The following TAFA1 variants were observed in gnomAD, a reference collection of about 807,000 sequenced individuals.
TAFA1 encodes the protein chemokine-like protein TAFA-1.
In TAFA1, 4 loss-of-function variants were observed where a neutral mutation model predicts 18.5. That is an observed-to-expected ratio of 0.22 (90% confidence interval 0.11 to 0.49). The LOEUF is 0.49. Among genes scored for constraint, TAFA1 ranks in the 20% least tolerant of loss-of-function variants. The pLI is 0.98. For synonymous variants in TAFA1, 56 were observed against 55.2 expected, an observed-to-expected ratio of 1.01 and a Z score of -0.06; for missense variants, 147 against 169.0, an observed-to-expected ratio of 0.87 and a Z score of 0.72.
intron 2 of TAFA1, among the ~76,000 whole-genome samples, chr3:68,180,222 T>G (rs545912402): frequency 1.3e-5 from 2 of 151,254 alleles, no homozygotes; most frequent in African/African-American, 4.9e-5. Flanking sequence ...GTATTTTTAG[T>G]AGAGACAGTC....
intron 2 of TAFA1, among the ~76,000 whole-genome samples, chr3:68,321,066 T>C (rs1352854): frequency 0.011 from 1,600 of 152,360 alleles, 30 homozygotes; most frequent in African/African-American, 0.036. Flanking sequence ...TTGAAATCGC[T>C]GATCTACCTC....
At chr3:68,105,804 C>G (rs1559522058) in intron 2 of TAFA1, among the ~76,000 whole-genome samples, 2 of 152,064 alleles carry the variant, frequency 1.3e-5, no homozygotes, top group Non-Finnish European at 2.9e-5. Flanking sequence ...TTAGATTATT[C>G]AATAATTTCT....
At chr3:68,174,876 C>A (rs1248329597) in intron 2 of TAFA1, among the ~76,000 whole-genome samples, 1 of 152,196 alleles carries the variant, frequency 6.6e-6, no homozygotes, top group South Asian at 2.1e-4. Flanking sequence ...TTCATGGCTG[C>A]CCCTCCCATC....
chr3:68,310,953 C>A (rs937169444), intron 2 of TAFA1, among the ~76,000 whole-genome samples: 1 of 151,982 alleles, frequency 6.6e-6, no homozygotes, highest in Non-Finnish European at 1.5e-5. Flanking sequence ...CACACCCGAG[C>A]CTGGGCAATT....
intron 3 of TAFA1, among the ~76,000 whole-genome samples, chr3:68,439,778 G>A (rs998967204): frequency 6.6e-6 from 1 of 151,902 alleles, no homozygotes; most frequent in Non-Finnish European, 1.5e-5. Flanking sequence ...ACCCGGGATC[G>A]ATACTTTGCA....
chr3:68,395,518 G>A (rs1265911535), intron 2 of TAFA1, among the ~76,000 whole-genome samples: 1 of 152,152 alleles, frequency 6.6e-6, no homozygotes, highest in Non-Finnish European at 1.5e-5. Context: ...TACGTTTACT[G>A]CAGTACTGTT....
chr3:68,017,840 G>A (rs748959457), intron 2 of TAFA1, among the ~76,000 whole-genome samples: 1 of 152,140 alleles, frequency 6.6e-6, no homozygotes, highest in Non-Finnish European at 1.5e-5. Context: ...TGTGTTATGG[G>A]TCATAACTGA....
chr3:68,003,393 C>T (rs6796173), upstream of TAFA1, among the ~76,000 whole-genome samples: 102,204 of 152,002 alleles, frequency 0.67, 34,483 homozygotes, highest in South Asian at 0.76. Flanking sequence ...TTTGAAAACA[C>T]CATAAAAGAT....
At chr3:68,045,407 G>C (rs1180933350) in intron 2 of TAFA1, among the ~76,000 whole-genome samples, 1 of 152,166 alleles carries the variant, frequency 6.6e-6, no homozygotes, top group Admixed American at 6.5e-5. Context: ...AATACAGGAA[G>C]AGCTGAAGGA....
At chr3:68,283,101 C>G (rs2067931438) in intron 2 of TAFA1, among the ~76,000 whole-genome samples, 1 of 152,100 alleles carries the variant, frequency 6.6e-6, no homozygotes, top group Non-Finnish European at 1.5e-5. Flanking sequence ...TTTTTAAACT[C>G]TCAGAACAAT....
chr3:68,430,944 C>A lies in TAFA1; in HGVS notation c.259+13524C>A, dbSNP rs1439857504. Among the ~76,000 whole-genome samples the A allele has an allele frequency of 2.6e-5, 4 of 152,010 alleles. 1 individual carries two copies. Among genetic ancestry groups the A allele is most frequent in the Admixed American group, 2.0e-4 (3 of 15,234 alleles). ...GATTCTTTATACAGGGGAAGCGCAT[C>A]TGGGTAAACGGCTTCTCATTTGGGG... On this transcript the variant is annotated intron_variant, in intron 3 of 4. Transcript: ENST00000478136.
intron 3 of TAFA1, among the ~76,000 whole-genome samples, chr3:68,532,270 G>C (rs2073198974): frequency 1.3e-5 from 2 of 152,128 alleles, no homozygotes; most frequent in African/African-American, 4.8e-5. Flanking sequence ...ACTGGTTATG[G>C]GAAAATGGCA....
intron 2 of TAFA1, among the ~76,000 whole-genome samples, chr3:68,080,081 C>G (rs567121447): frequency 0.011 from 1,657 of 152,162 alleles, 13 homozygotes; most frequent in Non-Finnish European, 0.015. Context: ...CCTTCTTTGT[C>G]TCTTTTGATC....
At chr3:67,999,444 A>G (rs905956855), upstream of TAFA1, among the ~76,000 whole-genome samples, 7 of 152,154 alleles carry the variant, frequency 4.6e-5, no homozygotes, top group African/African-American at 1.4e-4. Flanking sequence ...TTAGGTCTTC[A>G]TCTTTCTTCT....
intron 3 of TAFA1, among the ~76,000 whole-genome samples, chr3:68,454,434 G>C (rs1024351758): frequency 6.6e-6 from 1 of 152,138 alleles, no homozygotes; most frequent in Non-Finnish European, 1.5e-5. Context: ...CCTTGTACAA[G>C]AACTGTGAAT....
intron 3 of TAFA1, among the ~76,000 whole-genome samples, chr3:68,518,062 C>A (rs1171195829): frequency 6.6e-6 from 1 of 152,176 alleles, no homozygotes; most frequent in Admixed American, 6.5e-5. Flanking sequence ...CTGAGATTCC[C>A]TTTCTCTACT....
In TAFA1 at chr3:68,388,384, C is replaced by T. The variant is rs143524053; in HGVS notation, c.119-28896C>T. Among the ~76,000 whole-genome samples, 286 of 152,296 alleles carry T rather than the reference C, an allele frequency of 1.9e-3. 2 individuals carry two copies. Among genetic ancestry groups the T allele is most frequent in the East Asian group, 0.013 (66 of 5,186 alleles). ...TAGCAAATTTAGTAACTATATTACA[C>T]AGAGGCCTCAATGTGCATTCACTGT... On this transcript the variant is annotated intron_variant, in intron 2 of 4. Coordinates refer to ENST00000478136, the MANE Select transcript of TAFA1 (RefSeq NM_213609.4).
chr3:68,185,897 G>A (rs897644958), intron 2 of TAFA1, among the ~76,000 whole-genome samples: 2 of 137,222 alleles, frequency 1.5e-5, no homozygotes, highest in Admixed American at 8.1e-5. Flanking sequence ...GTGAGAACCT[G>A]TCTCAAATAA....
Position 68,506,516 on chromosome 3 carries a change from A to T in TAFA1, c.260-32240A>T, listed in dbSNP as rs2665544. 3.7e-4 allele frequency among the ~76,000 whole-genome samples: 56 copies of T among 151,968 alleles called. No homozygotes were observed. The East Asian group carries it at 9.7e-3, about 26-fold the overall frequency. On this transcript the variant is annotated intron_variant, in intron 3 of 4. Transcript: ENST00000478136. ...AGCAAATATGCTTTATCAGTTTACAATCCAGGTTTGTTACCAGGATCTGAA... is the reference window on the plus strand; with the variant it reads ...AGCAAATATGCTTTATCAGTTTACATTCCAGGTTTGTTACCAGGATCTGAA...
Sources: allele counts gnomAD v4.1 joint callset (sites outside exome capture counted in the v4.1 genomes callset), GRCh38; gene constraint gnomAD v4.1.1; transcripts MANE v1.5; gene names NCBI Gene and HGNC (gene_info 2026-07-23, HGNC 2026-07-21).